The following EXT2 variants were observed in gnomAD, a reference collection of about 807,000 sequenced individuals.
EXT2 encodes exostosin glycosyltransferase 2, also known as exostosin-2.
Under a neutral mutation model 81.6 loss-of-function variants are expected in EXT2, and 53 were observed. That is an observed-to-expected ratio of 0.65 (90% confidence interval 0.52 to 0.82). The LOEUF (loss-of-function observed/expected upper bound fraction) is 0.82. Ranked by LOEUF, EXT2 falls within the 40% of genes least tolerant of loss-of-function variation. The probability of loss-of-function intolerance (pLI) is 0.00; values close to 1 mark genes in which losing one functional copy is unlikely to be tolerated. For synonymous variants in EXT2, 320 were observed against 340.0 expected, an observed-to-expected ratio of 0.94 and a Z score of 0.65; for missense variants, 774 against 910.2, an observed-to-expected ratio of 0.85 and a Z score of 1.93.
At chr11:44,126,685 G>A in intron 5 of EXT2, 131 bp from the exon 6 acceptor site, 1 of 1,088,278 alleles carries the variant, frequency 9.2e-7, no homozygotes, top group Non-Finnish European at 1.4e-6. Flanking sequence ...TTGTCTTTTG[G>A]CATTTTTGTG....
intron 7 of EXT2, among the ~76,000 whole-genome samples, chr11:44,160,082 C>T (rs1031812738): frequency 2.0e-4 from 31 of 152,330 alleles, no homozygotes; most frequent in African/African-American, 7.2e-4. Context: ...GGGTTGTTCT[C>T]TAGTATTCTC....
intron 10 of EXT2, among the ~76,000 whole-genome samples, chr11:44,221,056 T>A (rs111489750): frequency 1.3e-5 from 2 of 152,178 alleles, no homozygotes; most frequent in Non-Finnish European, 2.9e-5. Context: ...CAGAATTTGT[T>A]TATATAGCCA....
At chr11:44,170,056 AT>A (rs1955049722) in intron 7 of EXT2, among the ~76,000 whole-genome samples, 1 of 152,172 alleles carries the variant, frequency 6.6e-6, no homozygotes, top group African/African-American at 2.4e-5. Context: ...CAGAATATAC[AT>A]TTTTTAAGTG....
chr11:44,215,896 G>A (rs1285570217), intron 10 of EXT2, among the ~76,000 whole-genome samples: 3 of 141,112 alleles, frequency 2.1e-5, no homozygotes, highest in African/African-American at 7.9e-5. Flanking sequence ...TTGAGACGGA[G>A]TCTCGCTCTG....
At chr11:44,175,421 A>G (rs929569480) in intron 8 of EXT2, among the ~76,000 whole-genome samples, 14 of 140,138 alleles carry the variant, frequency 1.0e-4, no homozygotes, top group Non-Finnish European at 1.7e-4. Context: ...TCTTTCAAAG[A>G]GTTCTAGATT....
intron 6 of EXT2, 53 bp downstream of exon 6, chr11:44,127,008 A>G: frequency 1.9e-6 from 3 of 1,602,360 alleles, no homozygotes; most frequent in Non-Finnish European, 2.6e-6. Context: ...GTATATTACA[A>G]ATAAAATCTC....
chr11:44,174,853 A>G (rs1278190786), intron 8 of EXT2, among the ~76,000 whole-genome samples: 1 of 152,204 alleles, frequency 6.6e-6, no homozygotes, highest in African/African-American at 2.4e-5. Flanking sequence ...ACAAATTCAA[A>G]GATACAGAGG....
At position 44,109,813 on chromosome 11, in the gene EXT2, C is replaced by T. The variant is rs561821839; in HGVS notation, c.626+530C>T. Reference sequence around the variant, plus strand: ...TGCCTTTCGTTCCTTCCAGAAAAACCTTCCAAATAGGCAGATGTGGTATGG... The same window carrying T: ...TGCCTTTCGTTCCTTCCAGAAAAACTTTCCAAATAGGCAGATGTGGTATGG... On this transcript the variant is annotated intron_variant, in intron 3 of 13. Transcript: ENST00000533608. Among the ~76,000 whole-genome samples, 26 of 152,252 alleles carry T rather than the reference C, an allele frequency of 1.7e-4. No individual in the cohort carries two copies. The South Asian group carries it at 2.9e-3, about 17-fold the overall frequency.
intron 1 of EXT2, among the ~76,000 whole-genome samples, chr11:44,105,378 G>A (rs1365955118): frequency 3.9e-5 from 6 of 152,070 alleles, no homozygotes; most frequent in Admixed American, 1.3e-4. Context: ...CTGCACCTCC[G>A]CCTCCCAGGT....
At position 44,244,595 on chromosome 11, in the gene EXT2, G is replaced by A. The variant is rs1956076194; in HGVS notation, c.*308G>A. 2 of 440,306 alleles carry A rather than the reference G, an allele frequency of 4.5e-6. No individual in the cohort carries two copies. Among genetic ancestry groups the A allele is most frequent in the Non-Finnish European group, 8.5e-6 (2 of 236,482 alleles). 27.3% of individuals were successfully genotyped at this position (440,306 alleles called of 1,614,324 possible). On this transcript the variant is annotated 3_prime_UTR_variant, in exon 14 of 14. Transcript: ENST00000533608. ...CCAGCTGAGGCTCCCTTTGTTTTCA[G>A]TTCCATGTAACAATCTGGAAGGAAA...
intron 3 of EXT2, 137 bp downstream of exon 3, chr11:44,109,420 C>G: frequency 1.2e-6 from 1 of 859,806 alleles, no homozygotes; most frequent in Non-Finnish European, 1.9e-6. Context: ...AAGTATTTTC[C>G]TCCTGAAGAT....
At chr11:44,225,428 A>G (rs1955828093) in intron 10 of EXT2, among the ~76,000 whole-genome samples, 1 of 152,170 alleles carries the variant, frequency 6.6e-6, no homozygotes, top group Non-Finnish European at 1.5e-5. Context: ...ACATTCACAA[A>G]GAGCCTGTAG....
intron 8 of EXT2, among the ~76,000 whole-genome samples, chr11:44,191,175 G>A (rs1565228561): frequency 6.6e-6 from 1 of 152,186 alleles, no homozygotes; most frequent in Non-Finnish European, 1.5e-5. Context: ...GGCTGTTAGG[G>A]ATTACTTTTA....
At chr11:44,155,486 T>A (rs1360671520) in intron 7 of EXT2, among the ~76,000 whole-genome samples, 2 of 152,136 alleles carry the variant, frequency 1.3e-5, no homozygotes, top group Admixed American at 6.5e-5. Context: ...TGTGTGTATC[T>A]GTTGCAGGAT....
At chr11:44,172,042 G>C in intron 8 of EXT2, 1 of 436,810 alleles carries the variant, frequency 2.3e-6, no homozygotes, top group Non-Finnish European at 4.3e-6. Context: ...GGTGACTTTT[G>C]CAATTGTAAT....
intron 4 of EXT2, 66 bp downstream of exon 4, chr11:44,114,367 T>C (rs1423183482): frequency 1.0e-5 from 15 of 1,449,100 alleles, no homozygotes; most frequent in African/African-American, 5.6e-5. Flanking sequence ...TGAGGTTTAG[T>C]GTGGTGGGCA....
intron 1 of EXT2, among the ~76,000 whole-genome samples, chr11:44,099,037 T>G (rs569626703): frequency 6.6e-6 from 1 of 152,230 alleles, no homozygotes; most frequent in South Asian, 2.1e-4. Flanking sequence ...GGGTCTCCAT[T>G]GTCGCCCAGA....
chr11:44,133,062 AG>A (rs1403033117), intron 7 of EXT2, among the ~76,000 whole-genome samples: 4 of 152,224 alleles, frequency 2.6e-5, no homozygotes, highest in Admixed American at 1.3e-4. Flanking sequence ...AAATGTCTCT[AG>A]AACATTGCTT....
chr11:44,191,629 C>G lies in EXT2; in HGVS notation c.1306-6200C>G, dbSNP rs538705163. 1.6e-4 allele frequency among the ~76,000 whole-genome samples: 25 copies of G among 152,224 alleles called. No individual in the cohort carries two copies. The South Asian group carries it at 3.1e-3, about 19-fold the overall frequency. The stretch of plus-strand genomic sequence containing the variant: ...ATGCAGAAAGTGGGGTCAAGAGGTC[C>G]CAGACTGTAGACACTCTCCTTGGTC... On this transcript the variant is annotated intron_variant, in intron 8 of 13. Coordinates refer to ENST00000533608, the MANE Select transcript of EXT2 (RefSeq NM_207122.2).
Sources: allele counts gnomAD v4.1 joint callset (sites outside exome capture counted in the v4.1 genomes callset), GRCh38; gene constraint gnomAD v4.1.1; transcripts MANE v1.5; gene names NCBI Gene and HGNC (gene_info 2026-07-23, HGNC 2026-07-21).